The following LEMD3 variants were observed in gnomAD, a reference collection of about 807,000 sequenced individuals.
LEMD3 encodes the protein LEM domain containing 3.
In LEMD3, 33 loss-of-function variants were observed where a neutral mutation model predicts 95.2. That is an observed-to-expected ratio of 0.35 (90% CI 0.26 to 0.46). LEMD3 has a LOEUF of 0.46. Among genes scored for constraint, LEMD3 ranks in the 20% least tolerant of loss-of-function variants. The pLI is 1.00. For missense variants in LEMD3, 1,210 were observed against 1,192.8 expected, an observed-to-expected ratio of 1.01 and a Z score of -0.21; for synonymous variants, 525 against 474.6, an observed-to-expected ratio of 1.11 and a Z score of -1.38.
chr12:65,217,470 A>G (rs1219584643), intron 3 of LEMD3, among the ~76,000 whole-genome samples: 1 of 152,230 alleles, frequency 6.6e-6, no homozygotes, highest in East Asian at 1.9e-4. Context: ...TGACATTAAA[A>G]TGATTACTTG....
chr12:65,208,708 C>A (rs753857824), intron 1 of LEMD3, among the ~76,000 whole-genome samples: 23 of 151,980 alleles, frequency 1.5e-4, no homozygotes, highest in Non-Finnish European at 2.9e-5. Flanking sequence ...AAAAACTTAA[C>A]CCCAAGGATA....
Position 65,170,674 on chromosome 12 carries a change from A to C in LEMD3, c.1078A>C (p.Asn360His), listed in dbSNP as rs780981110. Residue 360 changes from asparagine to histidine, a missense_variant, in exon 1 of 13, where the codon AAC becomes CAC. Transcript: ENST00000308330. ...DSSPVPRYRV[N>H]AKKLTPLLPP... ...CAGCCCCGTTCCTAGATACCGTGTTAACGCTAAGAAACTGACCCCTCTCCT... is the reference window on the plus strand; with the variant it reads ...CAGCCCCGTTCCTAGATACCGTGTTCACGCTAAGAAACTGACCCCTCTCCT... The C allele has an allele frequency of 6.2e-7, 1 of 1,614,200 alleles. No individual in the cohort carries two copies. The highest frequency in any genetic ancestry group is 8.5e-7 in the Non-Finnish European group (1 of 1,180,038).
chr12:65,222,597 CA>C (rs1236659892), intron 4 of LEMD3, among the ~76,000 whole-genome samples: 1 of 151,794 alleles, frequency 6.6e-6, no homozygotes, highest in African/African-American at 2.4e-5. Flanking sequence ...TTGATCTTTT[CA>C]AAAAATCAAC....
At chr12:65,223,706 G>T (rs1278446717) in intron 4 of LEMD3, among the ~76,000 whole-genome samples, 2 of 151,594 alleles carry the variant, frequency 1.3e-5, no homozygotes, top group East Asian at 3.9e-4. Flanking sequence ...TGATTTGGGA[G>T]TTTAGTCCAT....
chr12:65,194,728 T>A (rs1869355793), intron 1 of LEMD3, among the ~76,000 whole-genome samples: 1 of 125,484 alleles, frequency 8.0e-6, no homozygotes. Context: ...GCTCCTCTCA[T>A]CTTCCTAATT....
rs1871154201 is a variant in LEMD3 at position 65,247,583 on chromosome 12, T to G, written c.*1258T>G. ...AAAATAGTTGCTGAGTAAATTTTAC[T>G]TGTAATCTACAATTGGCTTTTTAAA... is the stretch of plus-strand genomic sequence containing the variant. On this transcript the variant is annotated 3_prime_UTR_variant, in exon 13 of 13. Transcript: ENST00000308330. 6.6e-6 allele frequency: 1 copy of G among 152,224 alleles called. No homozygotes were observed. The highest frequency in any genetic ancestry group is 1.5e-5 in the Non-Finnish European group (1 of 68,018). The allele number at this position is 152,224 out of a possible 1,614,324, so 9.4% of individuals were successfully genotyped here.
At chr12:65,180,319 T>C (rs927073033) in intron 1 of LEMD3, among the ~76,000 whole-genome samples, 1 of 151,030 alleles carries the variant, frequency 6.6e-6, no homozygotes, top group Non-Finnish European at 1.5e-5. Flanking sequence ...GTTTTAATAA[T>C]CTATGCTTTA....
intron 1 of LEMD3, among the ~76,000 whole-genome samples, chr12:65,191,856 T>C (rs1387946737): frequency 2.2e-5 from 3 of 136,738 alleles, no homozygotes; most frequent in African/African-American, 5.7e-5. Flanking sequence ...ACCTGGGAGA[T>C]GGAGGTTGTA....
chr12:65,190,770 A>C (rs924618028), intron 1 of LEMD3, among the ~76,000 whole-genome samples: 5 of 152,184 alleles, frequency 3.3e-5, no homozygotes, highest in Non-Finnish European at 7.4e-5. Flanking sequence ...ATTGATTGAG[A>C]CTTGTCTCAG....
intron 1 of LEMD3, among the ~76,000 whole-genome samples, chr12:65,192,891 A>G (rs1255320485): frequency 6.6e-6 from 1 of 152,202 alleles, no homozygotes; most frequent in Non-Finnish European, 1.5e-5. Flanking sequence ...TTTTAAGTAG[A>G]TGTATTATAA....
At chr12:65,234,492 T>G (rs575654673) in intron 4 of LEMD3, among the ~76,000 whole-genome samples, 1 of 152,326 alleles carries the variant, frequency 6.6e-6, no homozygotes, top group East Asian at 1.9e-4. Flanking sequence ...TACTCTAGAA[T>G]GCCGTATATA....
At chr12:65,225,508 T>A (rs865951929) in intron 4 of LEMD3, among the ~76,000 whole-genome samples, 1 of 152,214 alleles carries the variant, frequency 6.6e-6, no homozygotes. Flanking sequence ...GTTTATAATC[T>A]TTTGATCCCT....
chr12:65,219,830 C>T (rs936096545), intron 4 of LEMD3, among the ~76,000 whole-genome samples: 2 of 152,162 alleles, frequency 1.3e-5, no homozygotes, highest in African/African-American at 4.8e-5. Flanking sequence ...TGGCTTATTT[C>T]ACCTAGCATA....
chr12:65,227,940 C>CTA (rs1870505588), intron 4 of LEMD3, among the ~76,000 whole-genome samples: 1 of 151,644 alleles, frequency 6.6e-6, no homozygotes, highest in Non-Finnish European at 1.5e-5. Context: ...TCATGATAGA[C>CTA]TATATTGACT....
chr12:65,210,674 A>G (rs1438868062), intron 1 of LEMD3, among the ~76,000 whole-genome samples: 2 of 152,226 alleles, frequency 1.3e-5, no homozygotes, highest in Non-Finnish European at 2.9e-5. Flanking sequence ...TGGGACTTGA[A>G]CTCAGCTTCT....
intron 2 of LEMD3, among the ~76,000 whole-genome samples, chr12:65,214,796 G>A (rs1870050076): frequency 6.6e-6 from 1 of 152,094 alleles, no homozygotes; most frequent in Non-Finnish European, 1.5e-5. Flanking sequence ...CTTATTTTAG[G>A]TAGTGCAATA....
chr12:65,175,685 C>T (rs1411078403), intron 1 of LEMD3, among the ~76,000 whole-genome samples: 3 of 152,172 alleles, frequency 2.0e-5, no homozygotes, highest in Non-Finnish European at 4.4e-5. Context: ...TCTCCTTTTG[C>T]ACACATTTCT....
chr12:65,195,837 A>G (rs1592439048), intron 1 of LEMD3, among the ~76,000 whole-genome samples: 4 of 152,252 alleles, frequency 2.6e-5, no homozygotes, highest in African/African-American at 9.6e-5. Context: ...TTTCTTTTAT[A>G]GATGTAAATT....
chr12:65,205,489 T>G (rs1191300663), intron 1 of LEMD3, among the ~76,000 whole-genome samples: 1 of 152,194 alleles, frequency 6.6e-6, no homozygotes, highest in African/African-American at 2.4e-5. Context: ...GACACATTGT[T>G]TTCAGTTTTC....
Sources: gnomAD v4.1 joint callset for allele counts (sites outside exome capture counted in the v4.1 genomes callset) on GRCh38, gnomAD v4.1.1 for gene constraint, MANE v1.5 for transcripts, NCBI Gene and HGNC (gene_info 2026-07-23, HGNC 2026-07-21) for gene names.